RSU1: variants seen among roughly 807,000 people sequenced by gnomAD.
RSU1 encodes the protein Ras suppressor protein 1.
RSU1 carries 26 observed loss-of-function variants against 31.1 expected under a neutral mutation model. The ratio of observed to expected loss-of-function variants is 0.84; its 90% confidence interval spans 0.61 to 1.16. The LOEUF (loss-of-function observed/expected upper bound fraction) is 1.16. Among genes scored for constraint, RSU1 ranks in the 50% most tolerant of loss-of-function variants. The pLI, the probability that RSU1 is intolerant of heterozygous loss-of-function variation, is 0.00. For synonymous variants in RSU1, 164 were observed against 136.3 expected, an observed-to-expected ratio of 1.20 and a Z score of -1.41; for missense variants, 320 against 339.1, an observed-to-expected ratio of 0.94 and a Z score of 0.44.
At chr10:16,725,140 T>G (rs1469950032) in intron 7 of RSU1, among the ~76,000 whole-genome samples, 4 of 152,208 alleles carry the variant, frequency 2.6e-5, no homozygotes, top group African/African-American at 9.6e-5. Flanking sequence ...TATAAGCTTA[T>G]GTTATATGCG....
intron 2 of RSU1, among the ~76,000 whole-genome samples, chr10:16,790,004 A>C (rs1382005804): frequency 6.6e-6 from 1 of 152,202 alleles, no homozygotes; most frequent in Non-Finnish European, 1.5e-5. Context: ...TCTGGCCAAA[A>C]TGAACAGAGG....
intron 7 of RSU1, among the ~76,000 whole-genome samples, chr10:16,731,463 AT>A (rs1836510690): frequency 6.6e-6 from 1 of 151,896 alleles, no homozygotes; most frequent in Non-Finnish European, 1.5e-5. Context: ...GGCAAGAAAC[AT>A]ATTTATACTA....
intron 7 of RSU1, chr10:16,726,919 C>A: frequency 2.6e-6 from 1 of 390,900 alleles, no homozygotes; most frequent in Non-Finnish European, 5.2e-6. Context: ...AAGGGCGTTG[C>A]ATATGGTTTG....
chr10:16,737,453 AG>A (rs1388614500), intron 7 of RSU1, among the ~76,000 whole-genome samples: 3 of 152,090 alleles, frequency 2.0e-5, no homozygotes, highest in African/African-American at 7.2e-5. Context: ...GAAGCAAGGT[AG>A]AAGTAAAAAA....
At chr10:16,808,304 C>G (rs1838319773) in intron 2 of RSU1, among the ~76,000 whole-genome samples, 1 of 151,640 alleles carries the variant, frequency 6.6e-6, no homozygotes, top group South Asian at 2.1e-4. Flanking sequence ...ATGGCAAAAC[C>G]CCATCCCCAT....
chr10:16,733,708 A>G (rs1315120994), intron 7 of RSU1, among the ~76,000 whole-genome samples: 1 of 152,206 alleles, frequency 6.6e-6, no homozygotes, highest in Non-Finnish European at 1.5e-5. Flanking sequence ...AGCTAAAGTA[A>G]AAAACGTATA....
chr10:16,632,171 C>A (rs1374264763), intron 8 of RSU1, among the ~76,000 whole-genome samples: 1 of 152,118 alleles, frequency 6.6e-6, no homozygotes, highest in Non-Finnish European at 1.5e-5. Flanking sequence ...CATGACCTCA[C>A]ATGTTTTTTC....
At chr10:16,802,648 A>T (rs1470946853) in intron 2 of RSU1, among the ~76,000 whole-genome samples, 1 of 152,182 alleles carries the variant, frequency 6.6e-6, no homozygotes, top group Non-Finnish European at 1.5e-5. Context: ...TCCTCTACAA[A>T]GCGTTAGCAA....
chr10:16,795,904 T>A (rs1452917472), intron 2 of RSU1, among the ~76,000 whole-genome samples: 2 of 152,268 alleles, frequency 1.3e-5, no homozygotes, highest in East Asian at 3.9e-4. Flanking sequence ...CGTTTCTCTA[T>A]CACTCTCCAT....
At chr10:16,796,573 T>C (rs1204384857) in intron 2 of RSU1, among the ~76,000 whole-genome samples, 1 of 152,190 alleles carries the variant, frequency 6.6e-6, no homozygotes, top group Non-Finnish European at 1.5e-5. Flanking sequence ...AAACAGACTA[T>C]GCCACTGCTC....
Position 16,649,003 on chromosome 10 carries a change from T to A in RSU1, c.731+46020A>T, listed in dbSNP as rs569212140. 2.4e-3 allele frequency among the ~76,000 whole-genome samples: 358 copies of A among 152,290 alleles called. 4 individuals are homozygous for A. Among genetic ancestry groups the A allele is most frequent in the African/African-American group, 8.4e-3 (351 of 41,570 alleles). ...TTCCAGTAGATACTCTATAAAATGA[T>A]TCCGTTCTGAGACTTTTAAATGGTT... On this transcript the variant is annotated intron_variant, in intron 8 of 8. Transcript: ENST00000345264.
chr10:16,663,924 C>T (rs560086964), intron 8 of RSU1, among the ~76,000 whole-genome samples: 1 of 152,156 alleles, frequency 6.6e-6, no homozygotes, highest in Admixed American at 6.5e-5. Context: ...GAAAAGAGTG[C>T]TGGGTAGTAG....
intron 7 of RSU1, among the ~76,000 whole-genome samples, chr10:16,697,289 C>A (rs1588721200): frequency 6.6e-6 from 1 of 152,166 alleles, no homozygotes; most frequent in Non-Finnish European, 1.5e-5. Flanking sequence ...CATCTTCATG[C>A]CTCTAATCTC....
chr10:16,757,245 T>A (rs906492415), intron 4 of RSU1, among the ~76,000 whole-genome samples: 7 of 151,948 alleles, frequency 4.6e-5, no homozygotes, highest in Non-Finnish European at 8.8e-5. Context: ...AAGCCAATTT[T>A]TAAAAAAAAA....
intron 7 of RSU1, among the ~76,000 whole-genome samples, chr10:16,735,703 G>C (rs1459309464): frequency 6.6e-6 from 1 of 152,110 alleles, no homozygotes; most frequent in Non-Finnish European, 1.5e-5. Context: ...CGTAGCGGCA[G>C]CAAGGAGAGG....
At chr10:16,701,557 G>A (rs1835793214) in intron 7 of RSU1, among the ~76,000 whole-genome samples, 1 of 152,066 alleles carries the variant, frequency 6.6e-6, no homozygotes, top group Non-Finnish European at 1.5e-5. Flanking sequence ...GCTGCTTTAA[G>A]ATACATACTA....
chr10:16,644,653 A>G lies in RSU1; in HGVS notation c.731+50370T>C, dbSNP rs77579679. On this transcript the variant is annotated intron_variant, in intron 8 of 8. Transcript: ENST00000345264. ...TGGCATTAACTGCCACACATAGCGC[A>G]GTGTTCTGATTTTGCCCGCTAAATG... 3.3e-3 allele frequency among the ~76,000 whole-genome samples: 506 copies of G among 152,306 alleles called. 4 individuals carry two copies. Among genetic ancestry groups the G allele is most frequent in the African/African-American group, 0.012 (481 of 41,576 alleles).
At chr10:16,779,384 A>G (rs972812303) in intron 3 of RSU1, among the ~76,000 whole-genome samples, 5 of 152,262 alleles carry the variant, frequency 3.3e-5, no homozygotes, top group Admixed American at 2.6e-4. Context: ...TGCCCTGGGT[A>G]GACATGTCAA....
chr10:16,591,751 T>G lies in RSU1; in HGVS notation c.*1643A>C, dbSNP rs778288272. On this transcript the variant is annotated 3_prime_UTR_variant, in exon 9 of 9. Coordinates refer to ENST00000345264, the MANE Select transcript of RSU1 (RefSeq NM_012425.4). The stretch of plus-strand genomic sequence containing the variant: ...CTTCATATTGTTAGATTTTTACTAA[T>G]GCTTTCTTGCTGGTTTAATTTTAGG... 6 of 152,222 alleles carry G rather than the reference T, an allele frequency of 3.9e-5. No homozygotes were observed. Among genetic ancestry groups the G allele is most frequent in the Non-Finnish European group, 8.8e-5 (6 of 68,046 alleles). 9.4% of individuals were successfully genotyped at this position (152,222 alleles called of 1,614,324 possible).
Sources: allele counts gnomAD v4.1 joint callset (sites outside exome capture counted in the v4.1 genomes callset), GRCh38; gene constraint gnomAD v4.1.1; transcripts MANE v1.5; gene names NCBI Gene and HGNC (gene_info 2026-07-23, HGNC 2026-07-21).